MYOF: variants seen among roughly 807,000 people sequenced by gnomAD.
MYOF encodes myoferlin, also known as fer-1-like 3, myoferlin.
Under a neutral mutation model 284.2 loss-of-function variants are expected in MYOF, and 244 were observed. The observed-to-expected ratio is 0.86, with a 90% CI of 0.77 to 0.95. The LOEUF (loss-of-function observed/expected upper bound fraction) is 0.95. Among genes scored for constraint, MYOF ranks in the 40% least tolerant of loss-of-function variants. The pLI is 0.00. For missense variants in MYOF, 2,496 were observed against 2,560.6 expected (o/e 0.97, Z 0.54); for synonymous variants, 904 against 919.7 (o/e 0.98, Z 0.31).
chr10:93,358,946 TA>T lies in MYOF; in HGVS notation c.3120+886del, dbSNP rs371226480. ...TGCACATGTATCTCGGAACTTAAAT[TA>T]AAAAAAAAAAGACTCATTCATTCAT... On this transcript the variant is annotated intron_variant, in intron 29 of 53. Transcript: ENST00000359263. Among the ~76,000 whole-genome samples the T allele has an allele frequency of 6.7e-3, 982 of 145,540 alleles. 8 individuals are homozygous for T. The highest frequency in any genetic ancestry group is 0.022 in the African/African-American group (864 of 39,892).
intron 5 of MYOF, 119 bp from the exon 6 acceptor site, chr10:93,409,858 A>G: frequency 8.1e-7 from 1 of 1,241,000 alleles, no homozygotes; most frequent in Non-Finnish European, 1.1e-6. Context: ...CTAAAGTGGC[A>G]GGTGAAGGAG....
chr10:93,429,997 C>G (rs371334419), intron 4 of MYOF, among the ~76,000 whole-genome samples: 1 of 150,562 alleles, frequency 6.6e-6, no homozygotes, highest in Admixed American at 6.6e-5. Flanking sequence ...TGCAGTGGCG[C>G]GATCTTGGCT....
chr10:93,440,366 T>C (rs1200436026), intron 3 of MYOF, among the ~76,000 whole-genome samples: 1 of 151,932 alleles, frequency 6.6e-6, no homozygotes, highest in East Asian at 1.9e-4. Context: ...GAGCCGGGAT[T>C]GTGCCACTGC....
chr10:93,350,056 CAA>C (rs2133883528), intron 35 of MYOF, 87 bp from the exon 36 acceptor site: 1 of 1,299,614 alleles, frequency 7.7e-7, no homozygotes, highest in Admixed American at 2.3e-5. Context: ...TAATTACTGG[CAA>C]AGTCTTTAAG....
intron 43 of MYOF, among the ~76,000 whole-genome samples, chr10:93,331,660 C>T: frequency 6.7e-6 from 1 of 148,710 alleles, no homozygotes; most frequent in Admixed American, 6.9e-5. Context: ...ACTTCCATTC[C>T]CTGGCCCGGG....
rs33970988 is a variant in MYOF at position 93,394,448 on chromosome 10, CTTTTTTTTT to C, written c.1418-1502_1418-1494del. ...ATATCTCCTTTGGTCACCATCTTGT[CTTTTTTTTT>C]TTTTTTTTTTTTTTTTTTTTTGAGA... On this transcript the variant is annotated intron_variant, in intron 16 of 53. Coordinates refer to ENST00000359263, the MANE Select transcript of MYOF (RefSeq NM_013451.4). 1.2e-3 allele frequency among the ~76,000 whole-genome samples: 35 copies of C among 28,698 alleles called. 1 individual carries two copies. The highest frequency in any genetic ancestry group is 6.0e-3 in the Admixed American group (9 of 1,488). The allele number at this position is 28,698 out of a possible 152,430, so 18.8% of individuals were successfully genotyped here.
chr10:93,399,585 T>G (rs1847179790), intron 12 of MYOF, 90 bp from the exon 13 acceptor site: 1 of 853,342 alleles, frequency 1.2e-6, no homozygotes, highest in East Asian at 2.6e-5. Context: ...TCAAAATAGT[T>G]GCAACAGGCT....
At chr10:93,346,799 T>C (rs1037381026) in intron 37 of MYOF, among the ~76,000 whole-genome samples, 1 of 152,198 alleles carries the variant, frequency 6.6e-6, no homozygotes, top group Non-Finnish European at 1.5e-5. Flanking sequence ...TGCTGGACTT[T>C]TGCTTTGTGA....
chr10:93,333,999 G>A, intron 41 of MYOF, 86 bp from the exon 42 acceptor site: 2 of 1,390,692 alleles, frequency 1.4e-6, no homozygotes, highest in Admixed American at 2.4e-5. Flanking sequence ...CGCCAGGGGT[G>A]TGGGATTGAA....
intron 49 of MYOF, among the ~76,000 whole-genome samples, chr10:93,318,948 G>A (rs1842738517): frequency 2.0e-5 from 3 of 152,118 alleles, no homozygotes; most frequent in Admixed American, 1.3e-4. Context: ...TATTGACTAT[G>A]CAGGTTCTAG....
intron 1 of MYOF, among the ~76,000 whole-genome samples, chr10:93,459,107 T>A (rs2056815545): frequency 6.6e-6 from 1 of 152,224 alleles, no homozygotes. Context: ...CCTGGCTGGT[T>A]CTGCCTGTGC....
At chr10:93,472,254 A>C (rs1227274098) in intron 1 of MYOF, among the ~76,000 whole-genome samples, 5 of 152,232 alleles carry the variant, frequency 3.3e-5, no homozygotes, top group Non-Finnish European at 5.9e-5. Context: ...TTATGAAATA[A>C]AGAAGAAAAA....
At position 93,414,036 on chromosome 10, in the gene MYOF, G is replaced by A. The variant is rs76143152; in HGVS notation, c.434-4297C>T. Among the ~76,000 whole-genome samples, 3 of 152,206 alleles carry A rather than the reference G, an allele frequency of 2.0e-5. No individual in the cohort carries two copies. The East Asian group carries it at 5.8e-4, about 29-fold the overall frequency. ...AAGAAAAGAAAGAAATGTATTCCCC[G>A]ACAGTTCCAAACCTTACAAGTATAA... is the stretch of plus-strand genomic sequence containing the variant. On this transcript the variant is annotated intron_variant, in intron 5 of 53. Coordinates refer to ENST00000359263, the MANE Select transcript of MYOF (RefSeq NM_013451.4).
intron 1 of MYOF, 141 bp from the exon 2 acceptor site, chr10:93,457,078 C>A (rs758096249): frequency 9.6e-5 from 59 of 614,856 alleles, no homozygotes; most frequent in Non-Finnish European, 1.6e-4. Flanking sequence ...TGGGTGTTTA[C>A]CTGAATCACA....
chr10:93,390,467 A>G (rs1295734196), intron 17 of MYOF, among the ~76,000 whole-genome samples: 1 of 152,264 alleles, frequency 6.6e-6, no homozygotes, highest in Non-Finnish European at 1.5e-5. Flanking sequence ...CTAGGATGCC[A>G]CATGTCACAC....
chr10:93,445,481 T>C lies in MYOF; in HGVS notation c.236+6569A>G, dbSNP rs1245748078. 7.9e-5 allele frequency among the ~76,000 whole-genome samples: 12 copies of C among 152,372 alleles called. No homozygotes were observed. In the East Asian group the frequency reaches 2.3e-3, roughly 29 times the overall value. On this transcript the variant is annotated intron_variant, in intron 3 of 53. Transcript: ENST00000359263. ...CCACTCTGACATTTCCTCTAAAAAA[T>C]AACATTTCATGTTCCTTATGTGACC...
intron 1 of MYOF, among the ~76,000 whole-genome samples, chr10:93,474,593 C>T (rs916002136): frequency 1.3e-5 from 2 of 152,172 alleles, no homozygotes; most frequent in Non-Finnish European, 2.9e-5. Flanking sequence ...GACTTAGTTC[C>T]AGAAATACTC....
intron 1 of MYOF, among the ~76,000 whole-genome samples, chr10:93,476,004 A>T (rs1242293254): frequency 3.3e-5 from 5 of 152,118 alleles, no homozygotes; most frequent in African/African-American, 9.7e-5. Flanking sequence ...CCAGAAAGGG[A>T]TGGGAATGAC....
rs1844834994 is a variant in MYOF, at chr10:93,356,949, C to CA, written c.3121-102dup. ...GATCAATCAACAGATACACAGTATT[C>CA]AAAATCTACTCTGTGCCAAGTACTG... On this transcript the variant is annotated intron_variant, in intron 29 of 53. Transcript: ENST00000359263. 8 of 1,202,736 alleles carry CA rather than the reference C, an allele frequency of 6.7e-6. 1 individual carries two copies. The highest frequency in any genetic ancestry group is 9.2e-6 in the Non-Finnish European group (8 of 869,570). 74.5% of individuals were successfully genotyped at this position (1,202,736 alleles called of 1,614,324 possible). A position where few individuals can be genotyped will look rare whatever the true frequency, so the allele number is the denominator to read the frequency against.
Sources: gnomAD v4.1 joint callset for allele counts (sites outside exome capture counted in the v4.1 genomes callset) on GRCh38, gnomAD v4.1.1 for gene constraint, MANE v1.5 for transcripts, NCBI Gene and HGNC (gene_info 2026-07-23, HGNC 2026-07-21) for gene names.